Variants in TBC1D19 observed in about 807,000 individuals in gnomAD.
The protein encoded by TBC1D19 is TBC1 domain family, member 19.
TBC1D19 carries 60 observed loss-of-function variants against 89.0 expected under a neutral mutation model. That is an observed-to-expected ratio of 0.67 (90% CI 0.55 to 0.84). The LOEUF is 0.84. TBC1D19 is among the 40% of genes least tolerant of loss of function. The pLI is 0.00. For synonymous variants in TBC1D19, 189 were observed against 199.7 expected, an observed-to-expected ratio of 0.95 and a Z score of 0.45; for missense variants, 500 against 610.8, an observed-to-expected ratio of 0.82 and a Z score of 1.91.
intron 17 of TBC1D19, chr4:26,740,950 A>T: frequency 1.0e-6 from 1 of 985,458 alleles, no homozygotes; most frequent in Non-Finnish European, 1.2e-6. Context: ...AAACAAATGA[A>T]GCAACACCAG....
At position 26,638,832 on chromosome 4, in the gene TBC1D19, C is replaced by T; in HGVS notation, c.431C>T (p.Pro144Leu). Residue 144 changes from proline (P) to leucine (L), a missense_variant and splice_region_variant, in exon 6 of 21, where the codon CCA becomes CTA. Around this residue, in one of 2 missense-constraint regions of TBC1D19, gnomAD observed 280 missense variants for 291.7 expected, o/e 0.96. Transcript: ENST00000264866. ...TGGAATGAAATGGGAACTGATGAAC[C>T]AGGTATGTGAACAATTTTTTCTGAA... ...NKWNEMGTDE[P>L]DLSLFRPVYA... 1.9e-6 allele frequency: 3 copies of T among 1,605,750 alleles called. No homozygotes were observed. The highest frequency in any genetic ancestry group is 2.5e-6 in the Non-Finnish European group (3 of 1,176,574).
chr4:26,725,932 A>G (rs1270907905), intron 15 of TBC1D19, among the ~76,000 whole-genome samples: 1 of 152,178 alleles, frequency 6.6e-6, no homozygotes, highest in East Asian at 1.9e-4. Flanking sequence ...ATAAGAATAG[A>G]AGCAAGGAAA....
chr4:26,769,651 G>T, the TBC1D19 span, among the ~76,000 whole-genome samples: 2 of 151,190 alleles, frequency 1.3e-5, no homozygotes, highest in Non-Finnish European at 2.9e-5. Context: ...CAAGCAATCC[G>T]CCCACCTCAG....
the TBC1D19 span, among the ~76,000 whole-genome samples, chr4:26,791,348 A>G: frequency 6.6e-6 from 1 of 152,222 alleles, no homozygotes; most frequent in Non-Finnish European, 1.5e-5. Flanking sequence ...ATAGACAAAA[A>G]GGTCCCTCAC....
chr4:26,641,953 A>AC (rs1378196754), intron 7 of TBC1D19, among the ~76,000 whole-genome samples: 2 of 152,264 alleles, frequency 1.3e-5, no homozygotes, highest in Non-Finnish European at 2.9e-5. Flanking sequence ...TCTACATTTG[A>AC]TTGGTATACC....
chr4:26,757,780 T>G (rs1221718791), downstream of TBC1D19, among the ~76,000 whole-genome samples: 1 of 152,212 alleles, frequency 6.6e-6, no homozygotes, highest in African/African-American at 2.4e-5. Flanking sequence ...TCTCCTTCCT[T>G]CTTGCATTAA....
chr4:26,767,964 G>T, the TBC1D19 span, among the ~76,000 whole-genome samples: 1 of 152,128 alleles, frequency 6.6e-6, no homozygotes, highest in Non-Finnish European at 1.5e-5. Context: ...TGGATTTCTT[G>T]CTGAGTTGAA....
At chr4:26,787,101 GTTT>G in the TBC1D19 span, among the ~76,000 whole-genome samples, 4 of 129,342 alleles carry the variant, frequency 3.1e-5, no homozygotes, top group Admixed American at 7.7e-5. Context: ...AGAGGAACTA[GTTT>G]TTTTTTTTTT....
chr4:26,855,414 C>T, the TBC1D19 span, among the ~76,000 whole-genome samples: 1 of 152,182 alleles, frequency 6.6e-6, no homozygotes, highest in Non-Finnish European at 1.5e-5. Flanking sequence ...GCTAACTATG[C>T]ACCAGGCAGC....
the TBC1D19 span, among the ~76,000 whole-genome samples, chr4:26,809,378 A>G: frequency 2.0e-5 from 3 of 152,118 alleles, no homozygotes; most frequent in East Asian, 3.9e-4. Flanking sequence ...TCCTGCCAAC[A>G]AGCTGTAATT....
intron 1 of TBC1D19, among the ~76,000 whole-genome samples, chr4:26,579,040 T>C (rs1326689043): frequency 6.6e-6 from 1 of 152,192 alleles, no homozygotes; most frequent in African/African-American, 2.4e-5. Context: ...TTATTTGTGT[T>C]TACCTTTCAA....
At chr4:26,638,093 A>G (rs1459685506) in intron 5 of TBC1D19, among the ~76,000 whole-genome samples, 1 of 148,394 alleles carries the variant, frequency 6.7e-6, no homozygotes, top group Non-Finnish European at 1.5e-5. Context: ...CATTTATGTT[A>G]CTCTGGGCAT....
intron 15 of TBC1D19, among the ~76,000 whole-genome samples, chr4:26,722,615 A>G (rs1717051157): frequency 6.6e-6 from 1 of 152,190 alleles, no homozygotes; most frequent in Non-Finnish European, 1.5e-5. Flanking sequence ...GTGCCCTTTA[A>G]GAAGGTATCA....
intron 1 of TBC1D19, among the ~76,000 whole-genome samples, chr4:26,578,089 T>A (rs2109918169): frequency 1.3e-5 from 2 of 152,320 alleles, no homozygotes; most frequent in East Asian, 3.9e-4. Flanking sequence ...TCCATGGTCT[T>A]GCTCTGTCCA....
chr4:26,858,076 C>T, the TBC1D19 span: 1 of 152,252 alleles, frequency 6.6e-6, no homozygotes, highest in African/African-American at 2.4e-5. Flanking sequence ...CTCCCGCCGC[C>T]GCTAACAACC....
the TBC1D19 span, among the ~76,000 whole-genome samples, chr4:26,814,196 C>T: frequency 6.6e-6 from 1 of 152,172 alleles, no homozygotes; most frequent in Non-Finnish European, 1.5e-5. Context: ...GTAAAACGCA[C>T]TGATTTTAAA....
the TBC1D19 span, among the ~76,000 whole-genome samples, chr4:26,765,795 C>A: frequency 5.0e-4 from 76 of 152,166 alleles, 1 homozygote; most frequent in South Asian, 7.9e-3. Flanking sequence ...TTTTTCTAAT[C>A]TAGTGAATTT....
chr4:26,762,688 G>A, the TBC1D19 span, among the ~76,000 whole-genome samples: 1 of 152,176 alleles, frequency 6.6e-6, no homozygotes, highest in East Asian at 1.9e-4. Context: ...ATTTTGAGAT[G>A]GGAAGATTAT....
chr4:26,670,921 C>A (rs1210183942), intron 9 of TBC1D19, among the ~76,000 whole-genome samples: 1 of 150,290 alleles, frequency 6.7e-6, no homozygotes, highest in African/African-American at 2.4e-5. Context: ...GTATTGTAAT[C>A]TATTGTATGA....
Sources: gnomAD v4.1 joint callset for allele counts (sites outside exome capture counted in the v4.1 genomes callset) on GRCh38, gnomAD v4.1.1 for gene constraint, gnomAD v4.1.1 regional missense constraint, MANE v1.5 for transcripts, NCBI Gene and HGNC (gene_info 2026-07-23, HGNC 2026-07-21) for gene names.